The following FGF13 variants were observed in gnomAD, a reference collection of about 807,000 sequenced individuals.
The protein encoded by FGF13 is fibroblast growth factor homologous factor 2.
Under a neutral mutation model 19.5 loss-of-function variants are expected in FGF13, and 2 were observed. The observed-to-expected ratio is 0.10, with a 90% confidence interval of 0.04 to 0.32. The LOEUF (loss-of-function observed/expected upper bound fraction) is 0.32, where lower values mean the gene tolerates loss of function less well. Among genes scored for constraint, FGF13 ranks in the 10% least tolerant of loss-of-function variants. The pLI is 1.00. For synonymous variants in FGF13, 72 were observed against 76.9 expected, an observed-to-expected ratio of 0.94 and a Z score of 0.33; for missense variants, 113 against 192.7, an observed-to-expected ratio of 0.59 and a Z score of 2.45.
intron 1 of FGF13, among the ~76,000 whole-genome samples, chrX:139,121,118 A>C (rs970468711): frequency 8.9e-6 from 1 of 112,020 alleles, no homozygotes; most frequent in Non-Finnish European, 1.9e-5. Context: ...TTCCAATGTT[A>C]TGATTCTGAC....
At chrX:138,727,531 C>T (rs1248602144) in intron 1 of FGF13, among the ~76,000 whole-genome samples, 3 of 111,477 alleles carry the variant, frequency 2.7e-5, no homozygotes, top group African/African-American at 6.5e-5. Flanking sequence ...ACTTTCTACA[C>T]GATGAAATAC....
chrX:138,875,226 T>G (rs1602985981), intron 1 of FGF13, among the ~76,000 whole-genome samples: 1 of 97,049 alleles, frequency 1.0e-5, no homozygotes, highest in African/African-American at 4.0e-5. Flanking sequence ...AGCGAGACTC[T>G]GTCTCAAAAA....
chrX:138,757,121 C>T (rs775117556), intron 3 of FGF13, among the ~76,000 whole-genome samples: 67 of 110,591 alleles, frequency 6.1e-4, no homozygotes, highest in Non-Finnish European at 2.5e-4. Flanking sequence ...CCTAGTATGC[C>T]ATTTACTGGC....
intron 3 of FGF13, among the ~76,000 whole-genome samples, chrX:138,812,108 C>A (rs7886764): frequency 1.6e-3 from 178 of 111,376 alleles, no homozygotes; most frequent in African/African-American, 5.6e-3. Flanking sequence ...CACTAACCTA[C>A]CATCTGTCTC....
intron 1 of FGF13, among the ~76,000 whole-genome samples, chrX:139,059,689 A>T (rs886249857): frequency 7.1e-5 from 8 of 112,107 alleles, no homozygotes; most frequent in African/African-American, 2.6e-4. Context: ...CACACTCAAC[A>T]CTATTTTCCA....
intron 1 of FGF13, among the ~76,000 whole-genome samples, chrX:138,903,036 T>C (rs1348185670): frequency 8.9e-6 from 1 of 111,920 alleles, no homozygotes; most frequent in Non-Finnish European, 1.9e-5. Flanking sequence ...CTAGATTTTG[T>C]CCATCATCAA....
intron 1 of FGF13, among the ~76,000 whole-genome samples, chrX:139,201,118 C>T (rs143771858): frequency 0.016 from 1,737 of 111,809 alleles, 41 homozygotes; most frequent in African/African-American, 0.053. Context: ...TCAAGGTCCC[C>T]GCCCCCTTTC....
chrX:138,769,837 G>A (rs1232715043), intron 3 of FGF13, among the ~76,000 whole-genome samples: 1 of 112,336 alleles, frequency 8.9e-6, no homozygotes, highest in Non-Finnish European at 1.9e-5. Context: ...GAATCACCTA[G>A]TTCCAAGAAG....
At chrX:139,077,900 A>C (rs2083343014) in intron 1 of FGF13, among the ~76,000 whole-genome samples, 1 of 111,975 alleles carries the variant, frequency 8.9e-6, no homozygotes, top group Non-Finnish European at 1.9e-5. Flanking sequence ...GGCTAGGAGA[A>C]AATAAATGAT....
At chrX:138,941,853 A>T (rs1226497828) in intron 1 of FGF13, among the ~76,000 whole-genome samples, 1 of 112,192 alleles carries the variant, frequency 8.9e-6, no homozygotes, top group Admixed American at 9.4e-5. Context: ...TCTATGATCA[A>T]GTCCCCTTAT....
At chrX:139,023,628 G>A (rs1224568162) in intron 1 of FGF13, among the ~76,000 whole-genome samples, 4 of 111,342 alleles carry the variant, frequency 3.6e-5, no homozygotes, top group African/African-American at 9.8e-5. Flanking sequence ...ATTCTACAAA[G>A]GTGAAAATAA....
upstream of FGF13, chrX:139,204,117 C>T (rs367969838): frequency 5.0e-6 from 6 of 1,207,830 alleles, no homozygotes; most frequent in Non-Finnish European, 6.7e-6. Context: ...TAGATCCCAG[C>T]TTGCTTGACA....
chrX:138,809,039 CT>C (rs1176734010), intron 3 of FGF13, among the ~76,000 whole-genome samples: 1 of 111,889 alleles, frequency 8.9e-6, no homozygotes, highest in Non-Finnish European at 1.9e-5. Context: ...GGTACCATTC[CT>C]TCTGACACTA....
intron 1 of FGF13, among the ~76,000 whole-genome samples, chrX:139,176,252 G>A (rs771395014): frequency 7.4e-4 from 82 of 110,892 alleles, no homozygotes; most frequent in African/African-American, 2.6e-3. Context: ...GTGATATCCC[G>A]TTTATCATTT....
rs568511800 is a variant in FGF13, at chrX:138,911,089, G to T, written c.-112-46439C>A. Among the ~76,000 whole-genome samples the T allele has an allele frequency of 6.3e-5, 7 of 111,451 alleles. No homozygotes were observed. In the South Asian group the frequency reaches 2.7e-3, roughly 43 times the overall value. On this transcript the variant is annotated intron_variant, in intron 1 of 2. Transcript: ENST00000421460. ...TGGGATAACTAACATATCCTCAGGT[G>T]ACTAAATAGTAAAATGAACCCCAAC... is the stretch of plus-strand genomic sequence containing the variant.
In FGF13 at chrX:138,616,957, GC is replaced by G. The variant is rs1410429570; in HGVS notation, c.*15892del. ...GTACCATGTTTCAAGGCTGCAAAGA[GC>G]AAGGGGGGGTGCCTGAGGCCTGGCC... On this transcript the variant is annotated 3_prime_UTR_variant, in exon 5 of 5. Transcript: ENST00000315930. 9.2e-6 allele frequency: 1 copy of G among 108,831 alleles called. No homozygotes were observed. Among genetic ancestry groups the G allele is most frequent in the African/African-American group, 3.6e-5 (1 of 27,847 alleles). 9.0% of individuals were successfully genotyped at this position (108,831 alleles called of 1,213,427 possible).
At chrX:138,901,790 C>T (rs2091532774) in intron 1 of FGF13, among the ~76,000 whole-genome samples, 1 of 111,450 alleles carries the variant, frequency 9.0e-6, no homozygotes, top group Admixed American at 9.6e-5. Context: ...GAGTTCATTG[C>T]TTATAAAAAC....
At chrX:138,826,861 G>A (rs1244324588) in intron 3 of FGF13, among the ~76,000 whole-genome samples, 1 of 112,240 alleles carries the variant, frequency 8.9e-6, no homozygotes, top group East Asian at 2.8e-4. Context: ...TAGCTCAATA[G>A]CTACATACCT....
intron 1 of FGF13, among the ~76,000 whole-genome samples, chrX:138,914,269 C>T (rs747217873): frequency 9.4e-6 from 1 of 106,523 alleles, no homozygotes; most frequent in African/African-American, 3.4e-5. Context: ...CTTGTGCCCC[C>T]CGAGCTGCCA....
Sources: gnomAD v4.1 joint callset for allele counts (sites outside exome capture counted in the v4.1 genomes callset) on GRCh38, gnomAD v4.1.1 for gene constraint, MANE v1.5 for transcripts, NCBI Gene and HGNC (gene_info 2026-07-23, HGNC 2026-07-21) for gene names.